The following MYO10 variants were observed in gnomAD, a reference collection of about 807,000 sequenced individuals.
The protein encoded by MYO10 is unconventional myosin-X.
A neutral mutation model predicts 257.3 loss-of-function variants in MYO10; 133 were observed. That is an observed-to-expected ratio of 0.52 (90% CI 0.45 to 0.60). MYO10 has a LOEUF of 0.60. Among genes scored for constraint, MYO10 ranks in the 20% least tolerant of loss-of-function variants. The pLI is 0.00. For missense variants in MYO10, 2,399 were observed against 2,635.7 expected (o/e 0.91, Z 1.97); for synonymous variants, 1,104 against 1,028.6 (o/e 1.07, Z -1.40).
At chr5:16,873,680 C>T (rs371418546) in intron 2 of MYO10, among the ~76,000 whole-genome samples, 2 of 152,212 alleles carry the variant, frequency 1.3e-5, no homozygotes, top group African/African-American at 2.4e-5. Context: ...GCAGAGGTTC[C>T]CAAACCTCAA....
chr5:16,930,241 CA>C (rs1205238941), intron 1 of MYO10, among the ~76,000 whole-genome samples: 1 of 152,038 alleles, frequency 6.6e-6, no homozygotes, highest in Non-Finnish European at 1.5e-5. Flanking sequence ...GAGACGGTTT[CA>C]AAAAGGAGCC....
rs954366039 is a variant in MYO10 at position 16,793,095 on chromosome 5, G to A, written c.467+1551C>T. Reference sequence around the variant, plus strand: ...GGCTCCTCAGTAACAACTATACCCCGTGAGTGAACTCCTGCGAGGAGAAAT... The same window carrying A: ...GGCTCCTCAGTAACAACTATACCCCATGAGTGAACTCCTGCGAGGAGAAAT... On this transcript the variant is annotated intron_variant, in intron 4 of 40. Coordinates refer to ENST00000513610, the MANE Select transcript of MYO10 (RefSeq NM_012334.3). 2.6e-5 allele frequency among the ~76,000 whole-genome samples: 4 copies of A among 152,248 alleles called. No individual in the cohort carries two copies. In the East Asian group the frequency reaches 7.7e-4, roughly 29 times the overall value.
intron 2 of MYO10, among the ~76,000 whole-genome samples, chr5:16,834,462 A>G (rs1397782890): frequency 6.6e-6 from 1 of 152,112 alleles, no homozygotes; most frequent in African/African-American, 2.4e-5. Flanking sequence ...GTATGGATCA[A>G]TCTGTGGGGA....
intron 1 of MYO10, among the ~76,000 whole-genome samples, chr5:16,910,842 ACT>A (rs774652119): frequency 1.2e-4 from 19 of 152,094 alleles, no homozygotes; most frequent in Admixed American, 3.3e-4. Flanking sequence ...TTTATGCTAC[ACT>A]CTGTCTGAGG....
At chr5:16,863,940 A>G (rs931633928) in intron 2 of MYO10, among the ~76,000 whole-genome samples, 4 of 152,168 alleles carry the variant, frequency 2.6e-5, no homozygotes, top group Non-Finnish European at 4.4e-5. Flanking sequence ...ACTACAAAAT[A>G]TACAAAAATT....
intron 2 of MYO10, among the ~76,000 whole-genome samples, chr5:16,867,655 C>T (rs1037577891): frequency 2.6e-5 from 4 of 152,136 alleles, no homozygotes; most frequent in South Asian, 2.1e-4. Flanking sequence ...AAGTCAGAGA[C>T]GGCTTTAAGT....
intron 3 of MYO10, among the ~76,000 whole-genome samples, chr5:16,796,209 A>AAC (rs1560989424): frequency 8.5e-6 from 1 of 118,018 alleles, no homozygotes; most frequent in African/African-American, 3.2e-5. Flanking sequence ...AAAAAGAAAG[A>AAC]ACAGAGAGAG....
intron 2 of MYO10, among the ~76,000 whole-genome samples, chr5:16,875,536 A>G (rs572824625): frequency 1.3e-5 from 2 of 152,318 alleles, no homozygotes; most frequent in South Asian, 4.1e-4. Context: ...ACCATTAGAC[A>G]TGCTGTCTCT....
rs1042516650 is a variant in MYO10, at chr5:16,766,023, G to C, written c.1179+57C>G. On this transcript the variant is annotated intron_variant, in intron 11 of 40. Transcript: ENST00000513610. ...ATTACATATTTCAATCAAACCTATG[G>C]ATCTGAAAACCCAGGAGTGTCTAGT... 1.9e-5 allele frequency: 23 copies of C among 1,226,426 alleles called. No individual in the cohort carries two copies. The African/African-American group carries it at 3.1e-4, about 17-fold the overall frequency. The allele number at this position is 1,226,426 out of a possible 1,614,324, so 76.0% of individuals were successfully genotyped here.
intron 18 of MYO10, among the ~76,000 whole-genome samples, chr5:16,755,767 G>A (rs1313638117): frequency 7.4e-6 from 1 of 135,202 alleles, no homozygotes; most frequent in Non-Finnish European, 1.5e-5. Flanking sequence ...TACCAAAGCA[G>A]ACAAAAGCAT....
At chr5:16,758,639 AC>A (rs1740604414) in intron 17 of MYO10, among the ~76,000 whole-genome samples, 2 of 152,196 alleles carry the variant, frequency 1.3e-5, no homozygotes, top group South Asian at 4.1e-4. Context: ...AACACTAATT[AC>A]AGGGTGAGGC....
At chr5:16,787,090 A>G (rs1364012481) in intron 4 of MYO10, among the ~76,000 whole-genome samples, 1 of 152,136 alleles carries the variant, frequency 6.6e-6, no homozygotes, top group Non-Finnish European at 1.5e-5. Flanking sequence ...AATCACTTGA[A>G]TCCGGGAGGC....
chr5:16,706,891 G>A (rs1396946942), intron 21 of MYO10, among the ~76,000 whole-genome samples: 3 of 152,164 alleles, frequency 2.0e-5, no homozygotes, highest in Non-Finnish European at 2.9e-5. Flanking sequence ...TTAAGAACAC[G>A]AACCCTGAAT....
intron 17 of MYO10, among the ~76,000 whole-genome samples, chr5:16,758,574 T>C (rs1740602816): frequency 6.6e-6 from 1 of 152,192 alleles, no homozygotes; most frequent in Non-Finnish European, 1.5e-5. Context: ...AGTTTTGCCA[T>C]CTTGCAGTGT....
Position 16,918,624 on chromosome 5 carries a change from T to G in MYO10, c.21+17164A>C, listed in dbSNP as rs554933176. Among the ~76,000 whole-genome samples the G allele has an allele frequency of 3.7e-3, 540 of 145,196 alleles. 5 individuals carry two copies. Among genetic ancestry groups the G allele is most frequent in the African/African-American group, 0.013 (522 of 39,184 alleles). On this transcript the variant is annotated intron_variant, in intron 1 of 40. Coordinates refer to ENST00000513610, the MANE Select transcript of MYO10 (RefSeq NM_012334.3). ...TTCAAGCGATTCTCCTGCCTCAGCC[T>G]CCCGAATATGGGATCACAGGCATGC...
At chr5:16,877,734 C>A in intron 1 of MYO10, 27 bp from the exon 2 acceptor site, 1 of 1,579,474 alleles carries the variant, frequency 6.3e-7, no homozygotes. Context: ...CAAGACTGAA[C>A]TGAGTTTGGA....
intron 3 of MYO10, among the ~76,000 whole-genome samples, chr5:16,801,333 G>A (rs575995815): frequency 2.9e-4 from 44 of 152,074 alleles, no homozygotes; most frequent in African/African-American, 9.4e-4. Flanking sequence ...TCAGCCTCCC[G>A]AGTAGCTGGG....
intron 1 of MYO10, among the ~76,000 whole-genome samples, chr5:16,918,250 G>A (rs1030781575): frequency 6.6e-6 from 1 of 152,134 alleles, no homozygotes; most frequent in East Asian, 1.9e-4. Flanking sequence ...AGACAGCTGC[G>A]TGTCACTTCC....
intron 26 of MYO10, among the ~76,000 whole-genome samples, chr5:16,698,569 T>A (rs995413864): frequency 6.6e-6 from 1 of 151,360 alleles, no homozygotes; most frequent in Non-Finnish European, 1.5e-5. Context: ...CTTTCCCCCA[T>A]GTCTAGCACA....
Sources: allele counts gnomAD v4.1 joint callset (sites outside exome capture counted in the v4.1 genomes callset), GRCh38; gene constraint gnomAD v4.1.1; transcripts MANE v1.5; gene names NCBI Gene and HGNC (gene_info 2026-07-23, HGNC 2026-07-21).